Variants in PRKD1 observed in about 807,000 individuals in gnomAD.
PRKD1 encodes the protein serine/threonine-protein kinase D1.
PRKD1 carries 63 observed loss-of-function variants against 95.9 expected under a neutral mutation model. That is an observed-to-expected ratio of 0.66 (90% CI 0.54 to 0.81). The LOEUF is 0.81. Ranked by LOEUF, PRKD1 falls within the 30% of genes least tolerant of loss-of-function variation. The pLI, the probability that PRKD1 is intolerant of heterozygous loss-of-function variation, is 0.00. For synonymous variants in PRKD1, 425 were observed against 423.1 expected (o/e 1.00, Z -0.05); for missense variants, 1,048 against 1,165.3 (o/e 0.90, Z 1.47).
At chr14:29,823,278 T>C (rs1890988426) in intron 1 of PRKD1, among the ~76,000 whole-genome samples, 1 of 152,200 alleles carries the variant, frequency 6.6e-6, no homozygotes, top group Non-Finnish European at 1.5e-5. Context: ...AGTGATTACT[T>C]GCCAGTCTGT....
At chr14:29,587,059 A>G (rs1274978115) in intron 16 of PRKD1, among the ~76,000 whole-genome samples, 1 of 152,240 alleles carries the variant, frequency 6.6e-6, no homozygotes, top group Admixed American at 6.5e-5. Flanking sequence ...TGACTTGTGC[A>G]GGAGAAGAGA....
chr14:29,666,057 A>C lies in PRKD1; in HGVS notation c.535+20T>G. 6.3e-7 allele frequency: 1 copy of C among 1,574,984 alleles called. No homozygotes were observed. The highest frequency in any genetic ancestry group is 8.7e-7 in the Non-Finnish European group (1 of 1,152,602). On this transcript the variant is annotated intron_variant, in intron 3 of 17. Coordinates refer to ENST00000331968, the MANE Select transcript of PRKD1 (RefSeq NM_002742.3). ...GGAGAACAGCACACATTTAACTTGC[A>C]TGGGAAGAAAATAACTTACCTTCAC...
At chr14:29,841,720 A>T (rs1437679778) in intron 1 of PRKD1, among the ~76,000 whole-genome samples, 1 of 152,014 alleles carries the variant, frequency 6.6e-6, no homozygotes, top group African/African-American at 2.4e-5. Flanking sequence ...ACTAATACAA[A>T]GGCTATACTA....
At chr14:29,830,055 T>C (rs1891342179) in intron 1 of PRKD1, among the ~76,000 whole-genome samples, 1 of 152,218 alleles carries the variant, frequency 6.6e-6, no homozygotes, top group African/African-American at 2.4e-5. Flanking sequence ...AAATGTTCCT[T>C]TTTCTAACAT....
intron 1 of PRKD1, among the ~76,000 whole-genome samples, chr14:29,865,745 A>G (rs1043807086): frequency 7.2e-5 from 11 of 152,206 alleles, no homozygotes; most frequent in African/African-American, 2.2e-4. Flanking sequence ...GGACTAAGAC[A>G]TGGTTGTTTT....
intron 4 of PRKD1, among the ~76,000 whole-genome samples, chr14:29,655,958 A>G (rs1178583853): frequency 6.6e-6 from 1 of 151,118 alleles, no homozygotes; most frequent in Non-Finnish European, 1.5e-5. Context: ...AAAAAAAAAG[A>G]AAAGGTAAGT....
At chr14:29,826,663 G>A (rs146869505) in intron 1 of PRKD1, among the ~76,000 whole-genome samples, 2,379 of 73,676 alleles carry the variant, frequency 0.032, 201 homozygotes, top group Middle Eastern at 0.094. Context: ...GTGTGTGTGT[G>A]TATATATGTG....
At chr14:29,826,700 C>CACATATATATATACAT (rs377377299) in intron 1 of PRKD1, among the ~76,000 whole-genome samples, 2 of 28,722 alleles carry the variant, frequency 7.0e-5, no homozygotes, top group Admixed American at 4.6e-4. Flanking sequence ...CATATATATA[C>CACATATATATATACAT]ATATATACAC....
chr14:29,867,080 T>G lies in PRKD1; in HGVS notation c.264+60169A>C, dbSNP rs1353476709. 1.3e-5 allele frequency among the ~76,000 whole-genome samples: 2 copies of G among 152,196 alleles called. 1 individual carries two copies. Among genetic ancestry groups the G allele is most frequent in the Non-Finnish European group, 2.9e-5 (2 of 68,038 alleles). On this transcript the variant is annotated intron_variant, in intron 1 of 17. Coordinates refer to ENST00000331968, the MANE Select transcript of PRKD1 (RefSeq NM_002742.3). ...GGCTGCAATCTTTTATCTTTCTGGC[T>G]CTCTCAACTGCTCATTCCCACTATA...
intron 2 of PRKD1, among the ~76,000 whole-genome samples, chr14:29,722,120 GA>G (rs2139385253): frequency 6.6e-6 from 1 of 152,188 alleles, no homozygotes; most frequent in African/African-American, 2.4e-5. Flanking sequence ...TCCTGTGTCA[GA>G]AAATGTTCCT....
At position 29,649,432 on chromosome 14, in the gene PRKD1, A is replaced by T. The variant is rs1218467606; in HGVS notation, c.697-10528T>A. Among the ~76,000 whole-genome samples, 109 of 137,112 alleles carry T rather than the reference A, an allele frequency of 7.9e-4. 1 individual carries two copies. Among genetic ancestry groups the T allele is most frequent in the Non-Finnish European group, 1.5e-3 (93 of 62,218 alleles). The allele number at this position is 137,112 out of a possible 152,430, so 90.0% of individuals were successfully genotyped here. On this transcript the variant is annotated intron_variant, in intron 4 of 17. Transcript: ENST00000331968. ...TTGGTTTTTGTTACAAGTTTTTCTA[A>T]TTTTTTTTTTTTAATTTTGTGTTTA...
intron 1 of PRKD1, among the ~76,000 whole-genome samples, chr14:29,812,558 A>G (rs1890533572): frequency 2.6e-5 from 4 of 152,176 alleles, no homozygotes; most frequent in Admixed American, 2.0e-4. Context: ...GAAACCTACA[A>G]TCATGGTGGA....
At chr14:29,847,531 C>T (rs1248583249) in intron 1 of PRKD1, among the ~76,000 whole-genome samples, 2 of 151,880 alleles carry the variant, frequency 1.3e-5, no homozygotes, top group African/African-American at 4.8e-5. Context: ...TACAAAAGTG[C>T]AAAAACAAAA....
chr14:29,699,014 A>G (rs193037820), intron 2 of PRKD1, among the ~76,000 whole-genome samples: 1 of 152,276 alleles, frequency 6.6e-6, no homozygotes, highest in East Asian at 1.9e-4. Flanking sequence ...TTGCCATGTC[A>G]ATCACTACAG....
intron 1 of PRKD1, among the ~76,000 whole-genome samples, chr14:29,885,804 TAAA>T (rs759317394): frequency 7.9e-4 from 42 of 53,498 alleles, no homozygotes; most frequent in Admixed American, 3.6e-3. Context: ...CCATCTTTAC[TAAA>T]AAAAAAAAAA....
intron 2 of PRKD1, among the ~76,000 whole-genome samples, chr14:29,691,865 A>C (rs1884256368): frequency 6.6e-6 from 1 of 152,124 alleles, no homozygotes; most frequent in African/African-American, 2.4e-5. Context: ...TTGAAGATAT[A>C]TTTAGAATGG....
intron 2 of PRKD1, among the ~76,000 whole-genome samples, chr14:29,701,253 A>G (rs572641822): frequency 6.6e-6 from 1 of 152,278 alleles, no homozygotes; most frequent in East Asian, 1.9e-4. Flanking sequence ...TTAGAAATGT[A>G]TGTTCTTGGC....
At chr14:29,794,461 T>C (rs940711781) in intron 1 of PRKD1, among the ~76,000 whole-genome samples, 1 of 152,116 alleles carries the variant, frequency 6.6e-6, no homozygotes, top group Admixed American at 6.6e-5. Context: ...AAATTTACAA[T>C]AATTGTGTAA....
intron 1 of PRKD1, among the ~76,000 whole-genome samples, chr14:29,776,119 G>T (rs996081188): frequency 7.9e-5 from 12 of 152,030 alleles, no homozygotes; most frequent in Non-Finnish European, 1.5e-4. Flanking sequence ...AAACAGAAAG[G>T]ACATCCACAC....
Sources: allele counts gnomAD v4.1 joint callset (sites outside exome capture counted in the v4.1 genomes callset), GRCh38; gene constraint gnomAD v4.1.1; transcripts MANE v1.5; gene names NCBI Gene and HGNC (gene_info 2026-07-23, HGNC 2026-07-21).